Variants in MALRD1 observed in about 807,000 individuals in gnomAD.
The protein encoded by MALRD1 is MAM and LDL-receptor class A domain-containing protein 1.
MALRD1 carries 247 observed loss-of-function variants against 242.1 expected under a neutral mutation model. That is an observed-to-expected ratio of 1.02 (90% confidence interval 0.92 to 1.13). The LOEUF (loss-of-function observed/expected upper bound fraction) is 1.13, where lower values mean the gene tolerates loss of function less well. MALRD1 is among the 50% of genes most tolerant of loss of function. The pLI is 0.00. For synonymous variants in MALRD1, 995 were observed against 866.6 expected (o/e 1.15, Z -2.60); for missense variants, 2,989 against 2,533.1 (o/e 1.18, Z -3.86).
chr10:19,448,233 T>C (rs1489510824), intron 28 of MALRD1, among the ~76,000 whole-genome samples: 1 of 152,182 alleles, frequency 6.6e-6, no homozygotes, highest in Non-Finnish European at 1.5e-5. Context: ...AAATTACACA[T>C]TTCATACCTA....
intron 35 of MALRD1, among the ~76,000 whole-genome samples, chr10:19,611,444 A>G (rs1159614554): frequency 5.9e-5 from 9 of 152,048 alleles, no homozygotes; most frequent in Non-Finnish European, 1.3e-4. Context: ...AATGAGATGT[A>G]TCAGAATGGG....
At chr10:19,237,673 T>TACATAATTA (rs1838412552) in intron 18 of MALRD1, among the ~76,000 whole-genome samples, 14 of 104,922 alleles carry the variant, frequency 1.3e-4, no homozygotes, top group Admixed American at 2.7e-4. Flanking sequence ...AATTATATAA[T>TACATAATTA]TATATATAAT....
chr10:19,065,287 CAAAAA>C (rs1197670439), intron 1 of MALRD1, among the ~76,000 whole-genome samples: 2 of 50,632 alleles, frequency 4.0e-5, no homozygotes, highest in East Asian at 9.2e-4. Context: ...AACGCTGTCT[CAAAAA>C]AAAAAAAAAA....
intron 5 of MALRD1, 43 bp downstream of exon 5, chr10:19,104,118 G>C: frequency 9.5e-7 from 1 of 1,052,986 alleles, no homozygotes; most frequent in Non-Finnish European, 1.2e-6. Context: ...TGTGTTTAAA[G>C]ATTTCAGTGC....
chr10:19,265,354 A>T (rs1268770514), intron 19 of MALRD1, among the ~76,000 whole-genome samples: 1 of 151,352 alleles, frequency 6.6e-6, no homozygotes, highest in East Asian at 1.9e-4. Context: ...TTTATTTTTT[A>T]GGTATTCGGT....
At chr10:19,219,310 AATAATATACC>A (rs1837461604) in intron 18 of MALRD1, among the ~76,000 whole-genome samples, 1 of 152,228 alleles carries the variant, frequency 6.6e-6, no homozygotes, top group African/African-American at 2.4e-5. Flanking sequence ...ATACTAATGC[AATAATATACC>A]ATATTAAATT....
At chr10:19,256,765 G>A (rs761209935) in intron 18 of MALRD1, among the ~76,000 whole-genome samples, 44 of 152,002 alleles carry the variant, frequency 2.9e-4, no homozygotes, top group Non-Finnish European at 5.4e-4. Context: ...AATGTTTGTG[G>A]TAATTTTCAA....
chr10:19,223,970 C>A (rs563530178), intron 18 of MALRD1, among the ~76,000 whole-genome samples: 24 of 152,174 alleles, frequency 1.6e-4, no homozygotes, highest in African/African-American at 5.3e-4. Context: ...TGGGTTGGTT[C>A]CTAGTCTTTT....
At chr10:19,254,667 T>A (rs1223602494) in intron 18 of MALRD1, among the ~76,000 whole-genome samples, 2 of 151,950 alleles carry the variant, frequency 1.3e-5, no homozygotes, top group African/African-American at 4.8e-5. Flanking sequence ...TGTATCTTCA[T>A]ATAAAATACA....
At chr10:19,130,265 G>C (rs558059159) in intron 8 of MALRD1, among the ~76,000 whole-genome samples, 3 of 152,036 alleles carry the variant, frequency 2.0e-5, no homozygotes, top group Non-Finnish European at 4.4e-5. Flanking sequence ...AAATTTAACT[G>C]TATCCACGTA....
chr10:19,718,116 A>G lies in MALRD1; in HGVS notation c.6315-12590A>G, dbSNP rs544501282. On this transcript the variant is annotated intron_variant, in intron 38 of 39. Transcript: ENST00000454679. ...AAGAAGAAGAGGAAGAGGAAGAAGA[A>G]GAAGAAGAAGAGGAAGAAGAGGAAG... 2.4e-3 allele frequency among the ~76,000 whole-genome samples: 359 copies of G among 149,656 alleles called. 9 individuals are homozygous for G. The East Asian group carries it at 0.05, about 21-fold the overall frequency.
chr10:19,524,573 T>A (rs2131327049), intron 31 of MALRD1, among the ~76,000 whole-genome samples: 1 of 152,186 alleles, frequency 6.6e-6, no homozygotes, highest in Non-Finnish European at 1.5e-5. Context: ...ACCCTTCTAT[T>A]GAGAGTGAGA....
intron 36 of MALRD1, among the ~76,000 whole-genome samples, chr10:19,659,128 A>G (rs1589369383): frequency 6.6e-6 from 1 of 152,322 alleles, no homozygotes; most frequent in East Asian, 1.9e-4. Flanking sequence ...GTCTTCTGCT[A>G]GTTATCAGAA....
At chr10:19,222,355 T>C (rs529153162) in intron 18 of MALRD1, among the ~76,000 whole-genome samples, 54 of 152,312 alleles carry the variant, frequency 3.5e-4, no homozygotes, top group South Asian at 1.4e-3. Flanking sequence ...GCCGTGATTA[T>C]GCTCTCCAGC....
intron 26 of MALRD1, among the ~76,000 whole-genome samples, chr10:19,357,054 G>A (rs959621086): frequency 6.6e-6 from 1 of 151,432 alleles, no homozygotes; most frequent in Non-Finnish European, 1.5e-5. Context: ...AGGTTGCAGT[G>A]AGCTGAGATC....
chr10:19,526,903 C>A (rs1223703321), intron 31 of MALRD1, among the ~76,000 whole-genome samples: 5 of 151,964 alleles, frequency 3.3e-5, no homozygotes, highest in African/African-American at 1.2e-4. Flanking sequence ...GTTGCTGTCA[C>A]AAAAGTGACA....
chr10:19,133,776 A>T, intron 8 of MALRD1, 80 bp from the exon 9 acceptor site: 1 of 520,828 alleles, frequency 1.9e-6, no homozygotes, highest in Non-Finnish European at 2.9e-6. Context: ...TACCTACTAC[A>T]GTGTAATTAA....
At chr10:19,535,386 A>C (rs75775347) in intron 32 of MALRD1, among the ~76,000 whole-genome samples, 8,723 of 152,002 alleles carry the variant, frequency 0.057, 297 homozygotes, top group Non-Finnish European at 0.083. Flanking sequence ...GAATATGTGT[A>C]CTAGTATGCA....
At chr10:19,165,209 GA>G (rs2131503177) in intron 12 of MALRD1, among the ~76,000 whole-genome samples, 1 of 126,680 alleles carries the variant, frequency 7.9e-6, no homozygotes, top group African/African-American at 3.3e-5. Flanking sequence ...AAGGAGAATT[GA>G]GAAGATTATA....
Sources: gnomAD v4.1 joint callset for allele counts (sites outside exome capture counted in the v4.1 genomes callset) on GRCh38, gnomAD v4.1.1 for gene constraint, MANE v1.5 for transcripts, NCBI Gene and HGNC (gene_info 2026-07-23, HGNC 2026-07-21) for gene names.